Variants in ST3GAL3 observed in about 807,000 individuals in gnomAD.
ST3GAL3 encodes ST3 beta-galactoside alpha-2,3-sialyltransferase 3, also known as CMP-N-acetylneuraminate-beta-1,4-galactoside alpha-2,3-sialyltransferase.
ST3GAL3 carries 21 observed loss-of-function variants against 50.1 expected under a neutral mutation model. The observed-to-expected ratio is 0.42, with a 90% CI of 0.30 to 0.60. The LOEUF is 0.60. Among genes scored for constraint, ST3GAL3 ranks in the 20% least tolerant of loss-of-function variants. The pLI is 0.19. For missense variants in ST3GAL3, 353 were observed against 489.4 expected (o/e 0.72, Z 2.63); for synonymous variants, 183 against 190.0 (o/e 0.96, Z 0.30).
At chr1:43,849,941 C>T (rs1292491011) in intron 5 of ST3GAL3, among the ~76,000 whole-genome samples, 1 of 152,162 alleles carries the variant, frequency 6.6e-6, no homozygotes, top group Admixed American at 6.5e-5. Flanking sequence ...CAAAGGAAAG[C>T]CTAGGGAGAG....
intron 2 of ST3GAL3, among the ~76,000 whole-genome samples, chr1:43,753,752 T>A (rs1687038011): frequency 6.6e-6 from 1 of 152,216 alleles, no homozygotes; most frequent in Non-Finnish European, 1.5e-5. Flanking sequence ...TCTGAAGGGA[T>A]TCCCCTAGCT....
chr1:43,804,446 C>G (rs1225113628), intron 3 of ST3GAL3, among the ~76,000 whole-genome samples: 3 of 152,118 alleles, frequency 2.0e-5, no homozygotes, highest in African/African-American at 7.2e-5. Context: ...AGTAACATGA[C>G]TATGAGGCTG....
chr1:43,805,948 C>A (rs2059830224), intron 3 of ST3GAL3, among the ~76,000 whole-genome samples: 1 of 152,108 alleles, frequency 6.6e-6, no homozygotes, highest in Admixed American at 6.5e-5. Context: ...GTTGGTCAGG[C>A]TGGTCTTTAA....
At chr1:43,869,111 A>G (rs1358755017) in intron 5 of ST3GAL3, among the ~76,000 whole-genome samples, 1 of 152,140 alleles carries the variant, frequency 6.6e-6, no homozygotes, top group Non-Finnish European at 1.5e-5. Flanking sequence ...AGAACCCTGT[A>G]TCGTGGAATC....
intron 4 of ST3GAL3, among the ~76,000 whole-genome samples, chr1:43,827,710 C>T (rs2063008185): frequency 2.0e-5 from 3 of 152,008 alleles, no homozygotes; most frequent in Admixed American, 2.0e-4. Context: ...TCAGGGTCCG[C>T]TATGTTGCTG....
At chr1:43,900,122 G>T (rs1309761974) in intron 9 of ST3GAL3, among the ~76,000 whole-genome samples, 3 of 152,106 alleles carry the variant, frequency 2.0e-5, no homozygotes, top group African/African-American at 7.2e-5. Flanking sequence ...TGACCTTGTA[G>T]CTGCCTCCCT....
intron 5 of ST3GAL3, among the ~76,000 whole-genome samples, chr1:43,867,307 G>A (rs1416964917): frequency 6.6e-6 from 1 of 152,196 alleles, no homozygotes; most frequent in East Asian, 1.9e-4. Context: ...AACCATATCA[G>A]TAGGAAAATT....
intron 2 of ST3GAL3, among the ~76,000 whole-genome samples, chr1:43,762,313 C>T (rs1261364276): frequency 6.7e-6 from 1 of 150,346 alleles, no homozygotes; most frequent in African/African-American, 2.4e-5. Flanking sequence ...CAAACCTTTA[C>T]ACAGGTATGT....
At chr1:43,718,989 C>T (rs1462637455) in intron 1 of ST3GAL3, 2 of 152,192 alleles carry the variant, frequency 1.3e-5, no homozygotes, top group African/African-American at 2.4e-5. Flanking sequence ...CACCAGGCCT[C>T]TTACCTGCTT....
chr1:43,851,535 C>T (rs913854836), intron 5 of ST3GAL3: 101 of 1,593,212 alleles, frequency 6.3e-5, no homozygotes, highest in Non-Finnish European at 7.7e-5. Flanking sequence ...GTTATTTAAG[C>T]AAGAGCCTAG....
chr1:43,721,318 T>A (rs868765446), intron 1 of ST3GAL3, among the ~76,000 whole-genome samples: 1,755 of 124,636 alleles, frequency 0.014, 50 homozygotes, highest in African/African-American at 0.051. Context: ...TTTTTTTTTT[T>A]AATGAGACGG....
chr1:43,759,876 C>T (rs767592348), intron 2 of ST3GAL3, among the ~76,000 whole-genome samples: 4 of 152,138 alleles, frequency 2.6e-5, no homozygotes, highest in Admixed American at 2.0e-4. Context: ...CACTCAAAAA[C>T]GAATGTCTAC....
intron 5 of ST3GAL3, chr1:43,842,069 G>GT (rs2065472743): frequency 6.6e-6 from 1 of 152,236 alleles, no homozygotes; most frequent in African/African-American, 2.4e-5. Context: ...GGCATAACAT[G>GT]TTATGACCTT....
At chr1:43,731,101 T>TGGCTTACTGCAACCTC (rs1207667998) in intron 1 of ST3GAL3, among the ~76,000 whole-genome samples, 1 of 152,078 alleles carries the variant, frequency 6.6e-6, no homozygotes, top group Non-Finnish European at 1.5e-5. Flanking sequence ...GGTGCAACCT[T>TGGCTTACTGCAACCTC]GGCTTACTGC....
chr1:43,804,101 G>A (rs2059616208), intron 3 of ST3GAL3, among the ~76,000 whole-genome samples: 1 of 152,166 alleles, frequency 6.6e-6, no homozygotes, highest in Admixed American at 6.5e-5. Context: ...GTACAGATCT[G>A]GGATCATTGG....
intron 1 of ST3GAL3, among the ~76,000 whole-genome samples, chr1:43,734,099 A>T (rs986323496): frequency 1.3e-5 from 2 of 151,870 alleles, no homozygotes; most frequent in Non-Finnish European, 2.9e-5. Context: ...CGACAGAGGG[A>T]AACTCCATCT....
chr1:43,865,008 T>C (rs561081584), intron 5 of ST3GAL3, among the ~76,000 whole-genome samples: 1 of 144,140 alleles, frequency 6.9e-6, no homozygotes, highest in South Asian at 2.2e-4. Flanking sequence ...AAACAGAGTA[T>C]CTATGTACAA....
At chr1:43,817,825 T>C (rs79857083) in intron 4 of ST3GAL3, among the ~76,000 whole-genome samples, 37,763 of 84,398 alleles carry the variant, frequency 0.45, 7,087 homozygotes, top group East Asian at 0.63. Context: ...CCTCCTTCTC[T>C]TCCTTCCTCC....
intron 2 of ST3GAL3, among the ~76,000 whole-genome samples, chr1:43,749,870 A>G (rs2154108571): frequency 6.6e-6 from 1 of 152,288 alleles, no homozygotes; most frequent in East Asian, 1.9e-4. Flanking sequence ...GCCTTCTGCC[A>G]TATGAGGACA....
Sources: allele counts gnomAD v4.1 joint callset (sites outside exome capture counted in the v4.1 genomes callset), GRCh38; gene constraint gnomAD v4.1.1; transcripts MANE v1.5; gene names NCBI Gene and HGNC (gene_info 2026-07-23, HGNC 2026-07-21).